The following MACROD1 variants were observed in gnomAD, a reference collection of about 807,000 sequenced individuals.
MACROD1 encodes the protein mono-ADP ribosylhydrolase 1, also known as ADP-ribose glycohydrolase MACROD1.
MACROD1 carries 31 observed loss-of-function variants against 41.4 expected under a neutral mutation model. The observed-to-expected ratio is 0.75, with a 90% CI of 0.56 to 1.01. The LOEUF (loss-of-function observed/expected upper bound fraction) is 1.01. MACROD1 is among the 50% of genes least tolerant of loss of function. The pLI is 0.00. For missense variants in MACROD1, 473 were observed against 460.0 expected (o/e 1.03, Z -0.26); for synonymous variants, 252 against 203.4 (o/e 1.24, Z -2.03).
intron 3 of MACROD1, among the ~76,000 whole-genome samples, chr11:64,061,762 C>G (rs1183284634): frequency 6.6e-6 from 1 of 151,034 alleles, no homozygotes; most frequent in Non-Finnish European, 1.5e-5. Context: ...TGCAATGGCA[C>G]GATCACAGCT....
Position 64,064,677 on chromosome 11 carries a change from G to A in MACROD1, c.518-49396C>T, listed in dbSNP as rs998680403. Among the ~76,000 whole-genome samples the A allele has an allele frequency of 9.2e-6, 1 of 108,294 alleles. No homozygotes were observed. Among genetic ancestry groups the A allele is most frequent in the Non-Finnish European group, 1.7e-5 (1 of 59,260 alleles). 71.0% of individuals were successfully genotyped at this position (108,294 alleles called of 152,430 possible). On this transcript the variant is annotated intron_variant, in intron 3 of 10. Transcript: ENST00000255681. The surrounding 1 kb of genome is among the most constrained non-coding windows in gnomAD (Gnocchi z 4.5). ...CTCTGGCAGGACATTAAACGGCACC[G>A]AGATAGAAGGAGGGGGGCCCTCCCT...
At chr11:64,132,038 C>T (rs1385695626) in intron 3 of MACROD1, among the ~76,000 whole-genome samples, 1 of 152,130 alleles carries the variant, frequency 6.6e-6, no homozygotes. Context: ...GCTGCTGGGG[C>T]CAGGTCTCTG....
At chr11:64,128,075 G>A (rs1945212657) in intron 3 of MACROD1, among the ~76,000 whole-genome samples, 2 of 152,190 alleles carry the variant, frequency 1.3e-5, no homozygotes, top group African/African-American at 2.4e-5. Context: ...GCCCTGAGTG[G>A]GGTGACGTGG....
intron 3 of MACROD1, among the ~76,000 whole-genome samples, chr11:64,142,997 C>T (rs1463574985): frequency 6.6e-6 from 1 of 151,770 alleles, no homozygotes; most frequent in Admixed American, 6.6e-5. Flanking sequence ...GCCTGTGGTC[C>T]CTGCTACTCA....
intron 3 of MACROD1, among the ~76,000 whole-genome samples, chr11:64,040,400 G>T (rs897412621): frequency 6.6e-6 from 1 of 152,192 alleles, no homozygotes; most frequent in Admixed American, 6.5e-5. Flanking sequence ...CCCCCGGCAG[G>T]AGGGCAGAGG....
At chr11:64,046,849 C>T (rs7107297) in intron 3 of MACROD1, among the ~76,000 whole-genome samples, 3,292 of 152,244 alleles carry the variant, frequency 0.022, 113 homozygotes, top group African/African-American at 0.073. Context: ...GTGAAGTCTT[C>T]CCCATCCCTG....
At chr11:64,074,147 T>C (rs1944159146) in intron 3 of MACROD1, among the ~76,000 whole-genome samples, 1 of 152,184 alleles carries the variant, frequency 6.6e-6, no homozygotes, top group South Asian at 2.1e-4. Flanking sequence ...CAAGTAGACA[T>C]GAAGCTGGCT....
rs550295014 is a variant in MACROD1 at position 64,092,145 on chromosome 11, G to A, written c.517+59094C>T. Among the ~76,000 whole-genome samples, 9 of 152,368 alleles carry A rather than the reference G, an allele frequency of 5.9e-5. No homozygotes were observed. In the South Asian group the frequency reaches 1.7e-3, roughly 28 times the overall value. On this transcript the variant is annotated intron_variant, in intron 3 of 10. Coordinates refer to ENST00000255681, the MANE Select transcript of MACROD1 (RefSeq NM_014067.4). ...AAGCTTGGCCCGTGTTAGGGTCGCCGTGGCATCCCGAGTGGGTGGAGTCAC... is the reference window on the plus strand; with the variant it reads ...AAGCTTGGCCCGTGTTAGGGTCGCCATGGCATCCCGAGTGGGTGGAGTCAC...
At chr11:64,047,041 G>T (rs1194475371) in intron 3 of MACROD1, among the ~76,000 whole-genome samples, 4 of 151,666 alleles carry the variant, frequency 2.6e-5, no homozygotes, top group Admixed American at 2.0e-4. Context: ...TCGCCCCAGT[G>T]CCCCCCCCGG....
chr11:64,045,914 C>G (rs942365182), intron 3 of MACROD1, among the ~76,000 whole-genome samples: 1 of 152,142 alleles, frequency 6.6e-6, no homozygotes, highest in Non-Finnish European at 1.5e-5. Flanking sequence ...TAGCGAGACC[C>G]CATCTCTTAA....
intron 4 of MACROD1, among the ~76,000 whole-genome samples, chr11:64,004,988 C>G (rs2134324393): frequency 6.8e-6 from 1 of 146,880 alleles, no homozygotes; most frequent in South Asian, 2.1e-4. Context: ...GTCCAAGGCC[C>G]CACAGTGAGA....
rs549451909 is a variant in MACROD1 at position 64,146,834 on chromosome 11, C to T, written c.517+4405G>A. Among the ~76,000 whole-genome samples, 13 of 150,212 alleles carry T rather than the reference C, an allele frequency of 8.7e-5. No individual in the cohort carries two copies. The South Asian group carries it at 2.7e-3, about 31-fold the overall frequency. On this transcript the variant is annotated intron_variant, in intron 3 of 10. Coordinates refer to ENST00000255681, the MANE Select transcript of MACROD1 (RefSeq NM_014067.4). The surrounding 1 kb of genome is among the most constrained non-coding windows in gnomAD (Gnocchi z 4.7). ...CACATAGGCCAAACTCCTGACCTCA[C>T]ACACACACTCTATCACACACACCCC...
At chr11:64,137,466 C>A (rs1305493438) in intron 3 of MACROD1, among the ~76,000 whole-genome samples, 1 of 152,216 alleles carries the variant, frequency 6.6e-6, no homozygotes, top group Non-Finnish European at 1.5e-5. Context: ...CTTAAATTGA[C>A]TTCCAAGCTT....
Position 64,090,666 on chromosome 11 carries a change from A to AACAG in MACROD1, c.517+60569_517+60572dup, listed in dbSNP as rs1944473140. 6.6e-6 allele frequency among the ~76,000 whole-genome samples: 1 copy of AACAG among 152,116 alleles called. No homozygotes were observed. Among genetic ancestry groups the AACAG allele is most frequent in the African/African-American group, 2.4e-5 (1 of 41,396 alleles). ...GCCCCAGGCCTTGTCCCCAGCCACCAACAGACCACTTCTCTGAGGCGGGGA... is the reference window on the plus strand; with the variant it reads ...GCCCCAGGCCTTGTCCCCAGCCACCAACAGACAGACCACTTCTCTGAGGCGGGGA... On this transcript the variant is annotated intron_variant, in intron 3 of 10. Coordinates refer to ENST00000255681, the MANE Select transcript of MACROD1 (RefSeq NM_014067.4). The surrounding 1 kb of genome is among the most constrained non-coding windows in gnomAD (Gnocchi z 4.7).
chr11:64,009,953 G>A (rs987783151), intron 4 of MACROD1, among the ~76,000 whole-genome samples: 1 of 152,272 alleles, frequency 6.6e-6, no homozygotes, highest in East Asian at 1.9e-4. Context: ...ACACCAGGGT[G>A]TTGGCCGGGG....
intron 3 of MACROD1, among the ~76,000 whole-genome samples, chr11:64,085,362 G>A (rs1177757395): frequency 3.9e-5 from 6 of 152,214 alleles, no homozygotes; most frequent in South Asian, 4.1e-4. Flanking sequence ...AATCGAATTC[G>A]TGCTAATATT....
At chr11:64,101,516 G>T (rs1944670091) in intron 3 of MACROD1, among the ~76,000 whole-genome samples, 1 of 152,140 alleles carries the variant, frequency 6.6e-6, no homozygotes, top group Non-Finnish European at 1.5e-5. Context: ...AAATGCCAAG[G>T]CCCGCTGCCC....
chr11:64,049,872 C>T (rs1943657791), intron 3 of MACROD1, among the ~76,000 whole-genome samples: 8 of 152,222 alleles, frequency 5.3e-5, no homozygotes, highest in Admixed American at 5.2e-4. Context: ...CACCATCCCC[C>T]AGCTCTGTTC....
At chr11:64,145,640 C>T (rs984993031) in intron 3 of MACROD1, among the ~76,000 whole-genome samples, 5 of 152,244 alleles carry the variant, frequency 3.3e-5, no homozygotes, top group Non-Finnish European at 7.3e-5. Flanking sequence ...CTGCTCTGGG[C>T]TGGCATTGAA....
Sources: allele counts gnomAD v4.1 joint callset (sites outside exome capture counted in the v4.1 genomes callset), GRCh38; gene constraint gnomAD v4.1.1; non-coding constraint Gnocchi (gnomAD v3.1); transcripts MANE v1.5; gene names NCBI Gene and HGNC (gene_info 2026-07-23, HGNC 2026-07-21).